SV2C: variants seen among roughly 807,000 people sequenced by gnomAD.
SV2C encodes synaptic vesicle glycoprotein 2C, also known as solute carrier family 22 member B3.
A neutral mutation model predicts 79.7 loss-of-function variants in SV2C; 49 were observed. The observed-to-expected ratio is 0.61, with a 90% CI of 0.49 to 0.78. SV2C has a LOEUF of 0.78. SV2C is among the 30% of genes least tolerant of loss of function. The pLI is 0.00. For missense variants in SV2C, 833 were observed against 912.9 expected, an observed-to-expected ratio of 0.91 and a Z score of 1.13; for synonymous variants, 334 against 333.2, an observed-to-expected ratio of 1.00 and a Z score of -0.03.
rs1417327120 is a variant in SV2C, at chr5:76,326,096, G to T, written c.*549G>T. On this transcript the variant is annotated 3_prime_UTR_variant, in exon 13 of 13. Coordinates refer to ENST00000502798, the MANE Select transcript of SV2C (RefSeq NM_014979.4). ...AACCATGTGGCACCAAACAGGGCTG[G>T]GTGGGGCTCTTTGGGGCAAGACAAT... 2 of 152,202 alleles carry T rather than the reference G, an allele frequency of 1.3e-5. No homozygotes were observed. The highest frequency in any genetic ancestry group is 4.8e-5 in the African/African-American group (2 of 41,396). 9.4% of individuals were successfully genotyped at this position (152,202 alleles called of 1,614,324 possible). A position where few individuals can be genotyped will look rare whatever the true frequency, so the allele number is the denominator to read the frequency against.
chr5:76,313,729 A>G (rs1748532296), intron 12 of SV2C, among the ~76,000 whole-genome samples: 1 of 152,190 alleles, frequency 6.6e-6, no homozygotes, highest in Admixed American at 6.5e-5. Flanking sequence ...AGTCTAGACC[A>G]GGAGTACCAT....
At chr5:76,293,600 A>G (rs1747633548) in intron 8 of SV2C, among the ~76,000 whole-genome samples, 1 of 152,184 alleles carries the variant, frequency 6.6e-6, no homozygotes, top group Non-Finnish European at 1.5e-5. Context: ...TGACTAGAGA[A>G]CAATGCCATA....
At chr5:76,278,288 G>A (rs1244045577) in intron 4 of SV2C, among the ~76,000 whole-genome samples, 1 of 151,792 alleles carries the variant, frequency 6.6e-6, no homozygotes, top group Non-Finnish European at 1.5e-5. Flanking sequence ...GGTGGGAGAG[G>A]GACAGGTAAT....
At chr5:75,880,086 G>T in the SV2C span, among the ~76,000 whole-genome samples, 2 of 152,192 alleles carry the variant, frequency 1.3e-5, no homozygotes, top group Non-Finnish European at 2.9e-5. Flanking sequence ...GGGTGGCACA[G>T]GGCTTTGGCC....
At chr5:76,229,875 A>G (rs1172218946) in intron 4 of SV2C, among the ~76,000 whole-genome samples, 1 of 152,232 alleles carries the variant, frequency 6.6e-6, no homozygotes, top group Non-Finnish European at 1.5e-5. Flanking sequence ...TGGTGCAGTC[A>G]TTCTGGAGAA....
the SV2C span, among the ~76,000 whole-genome samples, chr5:75,980,086 C>T: frequency 6.6e-6 from 1 of 152,120 alleles, no homozygotes; most frequent in Non-Finnish European, 1.5e-5. Flanking sequence ...ATGTTGTGAA[C>T]ATATCTATGC....
At chr5:76,242,350 G>A (rs1745815108) in intron 4 of SV2C, 2 of 1,384,500 alleles carry the variant, frequency 1.4e-6, no homozygotes, top group Non-Finnish European at 1.0e-6. Context: ...ACGCAGCGGC[G>A]CGCGGGCTTT....
upstream of SV2C, chr5:76,079,480 T>C (rs1281570603): frequency 3.5e-6 from 1 of 284,442 alleles, no homozygotes; most frequent in South Asian, 4.7e-5. Flanking sequence ...GAGAATTGGA[T>C]TGTGTGACTA....
chr5:76,335,916 C>T (rs1354286497), downstream of SV2C, among the ~76,000 whole-genome samples: 3 of 152,206 alleles, frequency 2.0e-5, no homozygotes, highest in African/African-American at 7.2e-5. Flanking sequence ...CATCATGGCC[C>T]GTTCTCAATG....
chr5:75,968,937 T>A, the SV2C span, among the ~76,000 whole-genome samples: 3 of 152,186 alleles, frequency 2.0e-5, no homozygotes, highest in South Asian at 6.2e-4. Flanking sequence ...AAGGTCGGGT[T>A]ACCCACAAAG....
intron 1 of SV2C, among the ~76,000 whole-genome samples, chr5:76,084,873 C>T (rs1747126509): frequency 1.3e-5 from 2 of 151,854 alleles, no homozygotes; most frequent in East Asian, 3.9e-4. Context: ...AAGCCCCGCA[C>T]GGCCTGGGCT....
At chr5:76,049,027 A>AAAGAAAGAAAGAAAGAAAGAAAG in the SV2C span, among the ~76,000 whole-genome samples, 7 of 41,068 alleles carry the variant, frequency 1.7e-4, no homozygotes, top group African/African-American at 4.5e-4. Flanking sequence ...AAGAAAGAAA[A>AAAGAAAGAAAGAAAGAAAGAAAG]AGAAAAGAGG....
At chr5:76,212,283 T>A (rs1744788447) in intron 4 of SV2C, among the ~76,000 whole-genome samples, 1 of 152,102 alleles carries the variant, frequency 6.6e-6, no homozygotes, top group Non-Finnish European at 1.5e-5. Flanking sequence ...TTACCCATCA[T>A]TGCTCCAGAG....
chr5:75,878,092 A>C, the SV2C span, among the ~76,000 whole-genome samples: 1 of 152,156 alleles, frequency 6.6e-6, no homozygotes. Flanking sequence ...ATACTTCAAT[A>C]AAGCTATTAA....
chr5:76,295,558 G>T (rs573108054), intron 8 of SV2C, among the ~76,000 whole-genome samples: 3 of 152,156 alleles, frequency 2.0e-5, no homozygotes, highest in Non-Finnish European at 4.4e-5. Context: ...TACATACCTG[G>T]GGTTCTCCAG....
At chr5:76,133,935 G>T (rs1293448556) in intron 2 of SV2C, among the ~76,000 whole-genome samples, 2 of 152,060 alleles carry the variant, frequency 1.3e-5, no homozygotes, top group East Asian at 3.8e-4. Context: ...TTTAATAATT[G>T]CCAGCTTAAA....
chr5:76,163,261 C>A (rs1036160895), intron 2 of SV2C, among the ~76,000 whole-genome samples: 1 of 152,012 alleles, frequency 6.6e-6, no homozygotes, highest in East Asian at 1.9e-4. Context: ...TGTGGTTGCA[C>A]TGTGTTGATT....
At chr5:75,956,291 C>T in the SV2C span, among the ~76,000 whole-genome samples, 1 of 145,842 alleles carries the variant, frequency 6.9e-6, no homozygotes, top group Non-Finnish European at 1.5e-5. Context: ...TAAACTATCG[C>T]AAGAACAAAA....
chr5:75,866,024 A>C, the SV2C span, among the ~76,000 whole-genome samples: 2,408 of 152,140 alleles, frequency 0.016, 53 homozygotes, highest in African/African-American at 0.052. Flanking sequence ...AACTATCAAA[A>C]ATGCATCCCC....
Sources: allele counts gnomAD v4.1 joint callset (sites outside exome capture counted in the v4.1 genomes callset), GRCh38; gene constraint gnomAD v4.1.1; transcripts MANE v1.5; gene names NCBI Gene and HGNC (gene_info 2026-07-23, HGNC 2026-07-21).